TBCK: variants seen among roughly 807,000 people sequenced by gnomAD.
TBCK encodes TBC domain-containing protein kinase-like protein.
In TBCK, 99 loss-of-function variants were observed where a neutral mutation model predicts 113.4. That is an observed-to-expected ratio of 0.87 (90% CI 0.74 to 1.03). The LOEUF (loss-of-function observed/expected upper bound fraction) is 1.03. TBCK is among the 50% of genes least tolerant of loss of function. The probability of loss-of-function intolerance (pLI) is 0.00; values close to 1 mark genes in which losing one functional copy is unlikely to be tolerated. For synonymous variants in TBCK, 369 were observed against 370.8 expected (o/e 1.00, Z 0.05); for missense variants, 1,045 against 1,061.3 (o/e 0.98, Z 0.21).
intron 25 of TBCK, among the ~76,000 whole-genome samples, chr4:106,081,637 A>T (rs996324881): frequency 6.6e-6 from 1 of 151,856 alleles, no homozygotes; most frequent in Admixed American, 6.6e-5. Flanking sequence ...CTGTGTAACA[A>T]ACCTGCACAT....
At chr4:106,124,998 TAAAA>T (rs112091698) in intron 23 of TBCK, among the ~76,000 whole-genome samples, 1 of 105,892 alleles carries the variant, frequency 9.4e-6, no homozygotes, top group Non-Finnish European at 2.1e-5. Flanking sequence ...ACTTAAAGTA[TAAAA>T]AAAAAAAAAA....
At chr4:106,234,397 G>A (rs922805262) in intron 15 of TBCK, among the ~76,000 whole-genome samples, 6 of 152,034 alleles carry the variant, frequency 3.9e-5, no homozygotes. Context: ...AATGAAGAAA[G>A]GAAATTCTTC....
intron 23 of TBCK, 21 bp downstream of exon 23, chr4:106,171,074 A>T (rs755359881): frequency 6.4e-7 from 1 of 1,556,672 alleles, no homozygotes. Flanking sequence ...GAGTTTGTAA[A>T]CTAAATCCGC....
rs544702518 is a variant in TBCK, at chr4:106,219,133, C to G, written c.1775-6298G>C. ...ACTATCACAAGAACAAAAAACCAAA[C>G]ACCGCATATTCTCACTCATAGGTGG... On this transcript the variant is annotated intron_variant, in intron 19 of 25. Transcript: ENST00000394708. 2.4e-3 allele frequency among the ~76,000 whole-genome samples: 350 copies of G among 146,658 alleles called. 1 individual carries two copies. The highest frequency in any genetic ancestry group is 8.7e-3 in the African/African-American group (343 of 39,390).
At chr4:106,131,512 C>T (rs1745921872) in intron 23 of TBCK, among the ~76,000 whole-genome samples, 1 of 152,186 alleles carries the variant, frequency 6.6e-6, no homozygotes, top group Admixed American at 6.5e-5. Flanking sequence ...ACTTGGGAGG[C>T]TGAGGCAGGA....
intron 23 of TBCK, among the ~76,000 whole-genome samples, chr4:106,118,489 G>A (rs980660472): frequency 6.6e-6 from 1 of 152,132 alleles, no homozygotes; most frequent in Admixed American, 6.5e-5. Context: ...GAAATTAAAA[G>A]TGCTTCAGAA....
intron 12 of TBCK, chr4:106,237,628 T>C (rs1759620803): frequency 2.5e-6 from 1 of 405,710 alleles, no homozygotes; most frequent in Non-Finnish European, 5.0e-6. Flanking sequence ...ATGTGAGTTA[T>C]TCCCAGAATT....
At chr4:106,156,104 C>T (rs73838113) in intron 23 of TBCK, among the ~76,000 whole-genome samples, 2,774 of 152,228 alleles carry the variant, frequency 0.018, 78 homozygotes, top group African/African-American at 0.061. Flanking sequence ...CACCCCAAAC[C>T]CAGTAACACT....
chr4:106,251,844 A>G, intron 6 of TBCK, 22 bp downstream of exon 6: 2 of 1,484,184 alleles, frequency 1.3e-6, no homozygotes, highest in Admixed American at 2.2e-5. Context: ...CTTTTATTAT[A>G]TTAATATTTC....
intron 24 of TBCK, among the ~76,000 whole-genome samples, chr4:106,108,035 AC>A (rs1400253566): frequency 6.6e-6 from 1 of 152,110 alleles, no homozygotes; most frequent in East Asian, 1.9e-4. Flanking sequence ...GGACATATAC[AC>A]CCTCCGAAGA....
Position 106,193,693 on chromosome 4 carries a change from C to T in TBCK, c.1975G>A (p.Gly659Arg), listed in dbSNP as rs369077117. 4 of 1,612,862 alleles carry T rather than the reference C, an allele frequency of 2.5e-6. No homozygotes were observed. The African/African-American group carries it at 4.0e-5, about 16-fold the overall frequency. ...LGNSSFPFCIGVAILQQLRDR... is the reference protein window; with the variant it reads ...LGNSSFPFCIRVAILQQLRDR... ...CGCAGCTGCTGAAGAATTGCTACTC[C>T]AATACAGAATGGGAAAGAGGAATTC... Residue 659 changes from glycine to arginine, a missense_variant, in exon 22 of 26, where the codon GGA becomes AGA. Coordinates refer to ENST00000394708, the MANE Select transcript of TBCK (RefSeq NM_001163435.3).
rs1252439494 is a variant in TBCK at position 106,308,762 on chromosome 4, A to G, written c.193+6T>C. ...CATAAATAGGAAAAAAAAGAAAATA[A>G]CTTACCATGCTTTCCCCTAGAAATA... On this transcript the variant is annotated splice_donor_region_variant and intron_variant, in intron 2 of 25. Transcript: ENST00000394708. 9 of 1,601,642 alleles carry G rather than the reference A, an allele frequency of 5.6e-6. No homozygotes were observed. The highest frequency in any genetic ancestry group is 6.8e-6 in the Non-Finnish European group (8 of 1,176,388).
At chr4:106,128,553 A>G (rs955344888) in intron 23 of TBCK, among the ~76,000 whole-genome samples, 1 of 152,210 alleles carries the variant, frequency 6.6e-6, no homozygotes, top group Non-Finnish European at 1.5e-5. Flanking sequence ...TACATTCATG[A>G]TATCACAATA....
intron 3 of TBCK, among the ~76,000 whole-genome samples, chr4:106,267,132 AT>A (rs1763062627): frequency 6.6e-6 from 1 of 151,942 alleles, no homozygotes; most frequent in Admixed American, 6.6e-5. Flanking sequence ...AAATCAAAAA[AT>A]ATTCTACTCC....
intron 23 of TBCK, among the ~76,000 whole-genome samples, chr4:106,167,832 G>C (rs1005897920): frequency 6.6e-6 from 1 of 151,622 alleles, no homozygotes; most frequent in African/African-American, 2.4e-5. Flanking sequence ...GAATAGGCCT[G>C]CATCTATTAA....
intron 19 of TBCK, among the ~76,000 whole-genome samples, chr4:106,218,189 C>A (rs1757215236): frequency 6.9e-6 from 1 of 144,604 alleles, no homozygotes; most frequent in Non-Finnish European, 1.5e-5. Flanking sequence ...AAACTGGATC[C>A]CTTCCTTACA....
intron 24 of TBCK, among the ~76,000 whole-genome samples, chr4:106,111,692 A>C (rs1742877038): frequency 6.6e-6 from 1 of 152,228 alleles, no homozygotes; most frequent in Admixed American, 6.5e-5. Context: ...TAAAGAATAC[A>C]CAGTTAAGAG....
At chr4:106,203,816 A>C (rs575969401) in intron 20 of TBCK, among the ~76,000 whole-genome samples, 6 of 152,256 alleles carry the variant, frequency 3.9e-5, no homozygotes, top group Admixed American at 3.9e-4. Context: ...TTTAAGTAAA[A>C]GAAAGACTAT....
chr4:106,259,914 C>G (rs1231932896), intron 5 of TBCK, among the ~76,000 whole-genome samples: 3 of 151,922 alleles, frequency 2.0e-5, no homozygotes. Flanking sequence ...AATTCCATAA[C>G]AGAAGTGATT....
Sources: allele counts gnomAD v4.1 joint callset (sites outside exome capture counted in the v4.1 genomes callset), GRCh38; gene constraint gnomAD v4.1.1; transcripts MANE v1.5; gene names NCBI Gene and HGNC (gene_info 2026-07-23, HGNC 2026-07-21).